The following LSAMP variants were observed in gnomAD, a reference collection of about 807,000 sequenced individuals.
LSAMP encodes the protein limbic system-associated membrane protein.
Under a neutral mutation model 38.6 loss-of-function variants are expected in LSAMP, and 7 were observed. The observed-to-expected ratio is 0.18, with a 90% confidence interval of 0.10 to 0.34. LSAMP has a LOEUF of 0.34. LSAMP is among the 10% of genes least tolerant of loss of function. The pLI, the probability that LSAMP is intolerant of heterozygous loss-of-function variation, is 1.00. For missense variants in LSAMP, 313 were observed against 420.0 expected, an observed-to-expected ratio of 0.75 and a Z score of 2.23; for synonymous variants, 154 against 166.8, an observed-to-expected ratio of 0.92 and a Z score of 0.59.
chr3:116,333,210 T>C (rs1171125401), intron 1 of LSAMP, among the ~76,000 whole-genome samples: 2 of 152,122 alleles, frequency 1.3e-5, no homozygotes, highest in African/African-American at 4.8e-5. Flanking sequence ...TTTTTAATGA[T>C]TGACCTACAT....
intron 2 of LSAMP, among the ~76,000 whole-genome samples, chr3:116,036,686 G>C (rs971203180): frequency 6.7e-6 from 1 of 149,080 alleles, no homozygotes; most frequent in Non-Finnish European, 1.5e-5. Flanking sequence ...AAAGTATTCT[G>C]TAAAATCTAA....
At chr3:116,146,733 A>G (rs1188151559) in intron 1 of LSAMP, among the ~76,000 whole-genome samples, 1 of 151,912 alleles carries the variant, frequency 6.6e-6, no homozygotes, top group African/African-American at 2.4e-5. Flanking sequence ...AGATAACTAA[A>G]GGATTGTCAA....
chr3:115,975,800 T>C (rs1576275156), intron 3 of LSAMP, among the ~76,000 whole-genome samples: 1 of 152,138 alleles, frequency 6.6e-6, no homozygotes, highest in East Asian at 1.9e-4. Context: ...CTAGTCCCTA[T>C]CTCTTTCCTG....
intron 1 of LSAMP, among the ~76,000 whole-genome samples, chr3:116,174,502 C>G (rs1710287802): frequency 6.6e-6 from 1 of 151,860 alleles, no homozygotes. Flanking sequence ...TACTCATGGA[C>G]CAGAGGCATT....
At chr3:115,897,710 A>C (rs1033533223) in intron 3 of LSAMP, among the ~76,000 whole-genome samples, 7 of 152,132 alleles carry the variant, frequency 4.6e-5, no homozygotes, top group Non-Finnish European at 4.4e-5. Context: ...ACAGTTTAAT[A>C]GTGTTTTGTT....
At chr3:116,241,208 A>T (rs1490648033) in intron 1 of LSAMP, among the ~76,000 whole-genome samples, 5 of 143,162 alleles carry the variant, frequency 3.5e-5, no homozygotes, top group African/African-American at 1.3e-4. Flanking sequence ...AGATATTCCC[A>T]TTTTTTTTTT....
intron 1 of LSAMP, among the ~76,000 whole-genome samples, chr3:116,138,894 T>C (rs970181492): frequency 4.0e-5 from 6 of 151,570 alleles, no homozygotes; most frequent in African/African-American, 1.2e-4. Flanking sequence ...CAAAGCAATC[T>C]ATGGTTGTTG....
intron 1 of LSAMP, among the ~76,000 whole-genome samples, chr3:116,380,438 T>C (rs988539400): frequency 2.0e-5 from 3 of 152,030 alleles, no homozygotes; most frequent in Admixed American, 1.3e-4. Flanking sequence ...CCTTTCTTTA[T>C]CTTTATTTTT....
chr3:116,192,019 A>AG (rs1336472637), intron 1 of LSAMP, among the ~76,000 whole-genome samples: 10 of 142,908 alleles, frequency 7.0e-5, no homozygotes, highest in East Asian at 2.0e-4. Context: ...TGAATTACTG[A>AG]GGGAAAAAAA....
At chr3:116,124,843 A>G (rs1323090104) in intron 1 of LSAMP, among the ~76,000 whole-genome samples, 1 of 152,208 alleles carries the variant, frequency 6.6e-6, no homozygotes, top group Non-Finnish European at 1.5e-5. Context: ...TATAAGAAAT[A>G]TTCATTTTAC....
intron 1 of LSAMP, among the ~76,000 whole-genome samples, chr3:116,418,632 C>A (rs2049082672): frequency 6.6e-6 from 1 of 152,098 alleles, no homozygotes; most frequent in African/African-American, 2.4e-5. Flanking sequence ...CCATGGGACA[C>A]AATTATATCA....
chr3:115,971,800 G>T (rs186679846), intron 3 of LSAMP, among the ~76,000 whole-genome samples: 1 of 152,132 alleles, frequency 6.6e-6, no homozygotes, highest in Admixed American at 6.6e-5. Flanking sequence ...ATCAGTAGAG[G>T]CTCAATAAAT....
At chr3:116,329,476 A>G (rs2047820445) in intron 1 of LSAMP, among the ~76,000 whole-genome samples, 1 of 152,226 alleles carries the variant, frequency 6.6e-6, no homozygotes, top group Non-Finnish European at 1.5e-5. Flanking sequence ...AGAGAAAAAT[A>G]CATTTTAATA....
intron 3 of LSAMP, among the ~76,000 whole-genome samples, chr3:116,016,158 C>A (rs936072758): frequency 6.6e-6 from 1 of 152,044 alleles, no homozygotes; most frequent in Non-Finnish European, 1.5e-5. Flanking sequence ...AAAAGAATCA[C>A]CTACGGTTTC....
chr3:116,016,086 C>T (rs907671177), intron 3 of LSAMP, among the ~76,000 whole-genome samples: 3 of 151,932 alleles, frequency 2.0e-5, no homozygotes, highest in Non-Finnish European at 4.4e-5. Flanking sequence ...AGAGTCTCTT[C>T]TTTGGGTCTC....
At chr3:116,255,111 T>C (rs1021432382) in intron 1 of LSAMP, among the ~76,000 whole-genome samples, 1 of 152,170 alleles carries the variant, frequency 6.6e-6, no homozygotes, top group African/African-American at 2.4e-5. Flanking sequence ...CTATTCTATA[T>C]TTTTGTAGAC....
At chr3:116,003,663 T>A (rs930935772) in intron 3 of LSAMP, among the ~76,000 whole-genome samples, 3 of 152,024 alleles carry the variant, frequency 2.0e-5, no homozygotes, top group Non-Finnish European at 4.4e-5. Context: ...GAATCCTAAA[T>A]CCAATGATGT....
rs531346807 is a variant in LSAMP, at chr3:115,900,669, A to G, written c.515-48052T>C. 1.3e-5 allele frequency among the ~76,000 whole-genome samples: 2 copies of G among 152,308 alleles called. 1 individual carries two copies. Among genetic ancestry groups the G allele is most frequent in the South Asian group, 4.1e-4 (2 of 4,824 alleles). On this transcript the variant is annotated intron_variant, in intron 3 of 6. Coordinates refer to ENST00000490035, the MANE Select transcript of LSAMP (RefSeq NM_002338.5). Reference sequence around the variant, plus strand: ...TGGAAGGGTACATGAGCAGGCATACAACCAAAAGGAGAGAAGTTGGCTGCT... The same window carrying G: ...TGGAAGGGTACATGAGCAGGCATACGACCAAAAGGAGAGAAGTTGGCTGCT...
chr3:116,182,535 G>T (rs902050629), intron 1 of LSAMP, among the ~76,000 whole-genome samples: 5 of 151,682 alleles, frequency 3.3e-5, no homozygotes, highest in African/African-American at 1.2e-4. Flanking sequence ...GCCCAAAGAT[G>T]GGACTCAATT....
Sources: gnomAD v4.1 joint callset for allele counts (sites outside exome capture counted in the v4.1 genomes callset) on GRCh38, gnomAD v4.1.1 for gene constraint, MANE v1.5 for transcripts, NCBI Gene and HGNC (gene_info 2026-07-23, HGNC 2026-07-21) for gene names.